MBP: variants seen among roughly 807,000 people sequenced by gnomAD.
The protein encoded by MBP is Golli-MBP.
Under a neutral mutation model 35.8 loss-of-function variants are expected in MBP, and 16 were observed. That is an observed-to-expected ratio of 0.45 (90% CI 0.30 to 0.68). MBP has a LOEUF of 0.68. Among genes scored for constraint, MBP ranks in the 30% least tolerant of loss-of-function variants. MBP has a pLI of 0.08. For missense variants in MBP, 380 were observed against 404.7 expected (o/e 0.94, Z 0.52); for synonymous variants, 143 against 159.6 (o/e 0.90, Z 0.78).
At position 77,017,242 on chromosome 18, in the gene MBP, C is replaced by T. The variant is rs934575568; in HGVS notation, c.166G>A (p.Gly56Arg). 7.3e-6 allele frequency: 11 copies of T among 1,513,176 alleles called. No homozygotes were observed. Among genetic ancestry groups the T allele is most frequent in the Non-Finnish European group, 9.7e-6 (11 of 1,131,424 alleles). 93.7% of individuals were successfully genotyped at this position (1,513,176 alleles called of 1,614,324 possible). ...FGEADANQNN[G>R]TSSQDTAVTD... ...ACCGCTGTGTCCTGAGAGGAGGTCC[C>T]ATTGTTCTGGTTCGCATCTGCCTCT... The change falls in exon 4 of 9, where the codon GGG (glycine) becomes AGG (arginine). Residue 56 changes from glycine (G) to arginine (R), a missense_variant. Transcript: ENST00000355994.
At chr18:77,057,235 G>C (rs72988999) in intron 3 of MBP, among the ~76,000 whole-genome samples, 5,931 of 152,232 alleles carry the variant, frequency 0.039, 182 homozygotes, top group Non-Finnish European at 0.056. Flanking sequence ...AACCAGCTGC[G>C]GTCTCCCTGG....
At chr18:77,016,248 T>A in intron 4 of MBP, 1 of 984,532 alleles carries the variant, frequency 1.0e-6, no homozygotes. Flanking sequence ...CACAAGATAA[T>A]AAAGCTTTGA....
intron 2 of MBP, chr18:77,067,849 C>T (rs1325885413): frequency 7.8e-6 from 4 of 512,886 alleles, no homozygotes; most frequent in Admixed American, 5.9e-5. Flanking sequence ...GGGGCAGGCA[C>T]AGCCATTAAG....
At chr18:77,109,954 T>G (rs1279868108) in intron 1 of MBP, 1 of 152,228 alleles carries the variant, frequency 6.6e-6, no homozygotes, top group Non-Finnish European at 1.5e-5. Context: ...TTTGAGTCCA[T>G]GTTCAAGAAA....
intron 4 of MBP, chr18:77,009,878 T>TA (rs1175416065): frequency 3.1e-6 from 5 of 1,594,946 alleles, no homozygotes; most frequent in Non-Finnish European, 4.3e-6. Context: ...CCAGGCTGGC[T>TA]GCGGGCATGA....
chr18:77,123,138 A>G (rs1263363082), intron 1 of MBP, among the ~76,000 whole-genome samples: 2 of 152,222 alleles, frequency 1.3e-5, no homozygotes, highest in Non-Finnish European at 2.9e-5. Context: ...TTAAAAAGTA[A>G]TGGTACGTTT....
Position 77,016,870 on chromosome 18 carries a change from C to A in MBP, c.538G>T (p.Gly180Cys). 1 of 1,614,228 alleles carries A rather than the reference C, an allele frequency of 6.2e-7. No individual in the cohort carries two copies. Reference sequence around the variant, plus strand: ...CGCTTGGGCGCACCCCTGTCACCGCCAAAGAAGCGCCCGATGGAGTCAAGG... The same window carrying A: ...CGCTTGGGCGCACCCCTGTCACCGCAAAAGAAGCGCCCGATGGAGTCAAGG... ...GILDSIGRFF[G>C]GDRGAPKRGS... is the part of the protein sequence containing the mutation. The change falls in exon 4 of 9, where the codon GGC becomes TGC. Residue 180 changes from glycine (G) to cysteine (C), a missense_variant. By Grantham distance (159) the Gly-to-Cys change is radical. Coordinates refer to ENST00000355994, the MANE Select transcript of MBP (RefSeq NM_001025101.2).
intron 3 of MBP, among the ~76,000 whole-genome samples, chr18:77,019,336 T>C (rs1260478536): frequency 6.6e-6 from 1 of 152,152 alleles, no homozygotes; most frequent in Non-Finnish European, 1.5e-5. Context: ...CATTCTGCAG[T>C]AGGGTGGGCC....
intron 3 of MBP, among the ~76,000 whole-genome samples, chr18:77,050,413 G>T (rs1973441225): frequency 1.3e-5 from 2 of 152,110 alleles, no homozygotes; most frequent in Non-Finnish European, 2.9e-5. Context: ...TAGATTATTT[G>T]CTTTTTTTCC....
chr18:77,107,374 C>T (rs1976312529), intron 1 of MBP, among the ~76,000 whole-genome samples: 1 of 152,160 alleles, frequency 6.6e-6, no homozygotes, highest in Non-Finnish European at 1.5e-5. Flanking sequence ...GAGCCCTCGC[C>T]TGCCCAGTCC....
intron 3 of MBP, among the ~76,000 whole-genome samples, chr18:77,019,608 T>C (rs1971905768): frequency 6.6e-6 from 1 of 152,188 alleles, no homozygotes; most frequent in African/African-American, 2.4e-5. Context: ...TTCCTGTAGT[T>C]TGAAGCCCCC....
chr18:77,098,928 TC>T (rs1306222167), intron 2 of MBP, among the ~76,000 whole-genome samples: 3 of 150,942 alleles, frequency 2.0e-5, no homozygotes, highest in East Asian at 1.9e-4. Context: ...CCCTCTTCCT[TC>T]CCCCTCCCTC....
intron 3 of MBP, among the ~76,000 whole-genome samples, chr18:77,053,956 C>T (rs991182961): frequency 6.6e-6 from 1 of 152,248 alleles, no homozygotes; most frequent in Non-Finnish European, 1.5e-5. Flanking sequence ...GACTGTACTG[C>T]CCCACTCTGC....
chr18:77,030,866 C>T (rs1189838252), intron 3 of MBP, among the ~76,000 whole-genome samples: 1 of 152,160 alleles, frequency 6.6e-6, no homozygotes, highest in African/African-American at 2.4e-5. Context: ...GACCCTGTTT[C>T]AGACCTTCTC....
At position 77,068,983 on chromosome 18, in the gene MBP, C is replaced by A. The variant is rs370223425; in HGVS notation, c.52-2598G>T. On this transcript the variant is annotated intron_variant, in intron 2 of 8. Coordinates refer to ENST00000355994, the MANE Select transcript of MBP (RefSeq NM_001025101.2). Reference sequence around the variant, plus strand: ...CGGGGACTCTGACCTCACCTCGGGGCCTCTGACCTCACCCCCATGGCTTCC... The same window carrying A: ...CGGGGACTCTGACCTCACCTCGGGGACTCTGACCTCACCCCCATGGCTTCC... The A allele has an allele frequency of 1.3e-5, 6 of 478,706 alleles. No homozygotes were observed. The East Asian group carries it at 1.9e-4, about 15-fold the overall frequency. 29.7% of individuals were successfully genotyped at this position (478,706 alleles called of 1,614,324 possible). A position where few individuals can be genotyped will look rare whatever the true frequency, so the allele number is the denominator to read the frequency against.
At chr18:77,128,552 G>C (rs962190818) in intron 1 of MBP, among the ~76,000 whole-genome samples, 1 of 120,640 alleles carries the variant, frequency 8.3e-6, no homozygotes, top group African/African-American at 3.6e-5. Context: ...CACACACACA[G>C]AGCAGTCTAT....
intron 1 of MBP, among the ~76,000 whole-genome samples, chr18:77,119,864 C>A (rs535856015): frequency 7.8e-4 from 119 of 152,314 alleles, no homozygotes; most frequent in Middle Eastern, 6.8e-3. Context: ...AGCTCCCTTC[C>A]CTGAGCTTGA....
intron 4 of MBP, among the ~76,000 whole-genome samples, chr18:77,001,695 C>T (rs923580027): frequency 5.3e-5 from 8 of 152,108 alleles, no homozygotes; most frequent in Admixed American, 6.5e-5. Context: ...TACTAAAATA[C>T]GAGAATTAGC....
chr18:77,002,109 G>A (rs141103777), intron 4 of MBP, among the ~76,000 whole-genome samples: 1 of 152,326 alleles, frequency 6.6e-6, no homozygotes, highest in East Asian at 1.9e-4. Flanking sequence ...CACCTGATGG[G>A]ATGGAGCACA....
Sources: gnomAD v4.1 joint callset for allele counts (sites outside exome capture counted in the v4.1 genomes callset) on GRCh38, gnomAD v4.1.1 for gene constraint, MANE v1.5 for transcripts, NCBI Gene and HGNC (gene_info 2026-07-23, HGNC 2026-07-21) for gene names.